ADAMTS2: variants seen among roughly 807,000 people sequenced by gnomAD.
The protein encoded by ADAMTS2 is A disintegrin and metalloproteinase with thrombospondin motifs 2.
Under a neutral mutation model 123.0 loss-of-function variants are expected in ADAMTS2, and 50 were observed. The ratio of observed to expected loss-of-function variants is 0.41; its 90% CI spans 0.32 to 0.51. The LOEUF (loss-of-function observed/expected upper bound fraction) is 0.51. Among genes scored for constraint, ADAMTS2 ranks in the 20% least tolerant of loss-of-function variants. The pLI, the probability that ADAMTS2 is intolerant of heterozygous loss-of-function variation, is 0.35. For missense variants in ADAMTS2, 1,494 were observed against 1,705.2 expected (o/e 0.88, Z 2.18); for synonymous variants, 678 against 695.4 (o/e 0.98, Z 0.39).
intron 4 of ADAMTS2, among the ~76,000 whole-genome samples, chr5:179,183,490 T>C (rs143899997): frequency 6.6e-6 from 1 of 152,348 alleles, no homozygotes; most frequent in African/African-American, 2.4e-5. Context: ...GGCTGCTGCC[T>C]GGGACCTGAG....
chr5:179,191,414 C>T (rs990782412), intron 4 of ADAMTS2, among the ~76,000 whole-genome samples: 6 of 152,200 alleles, frequency 3.9e-5, no homozygotes, highest in Admixed American at 1.3e-4. Context: ...CTGTGTGGCC[C>T]GGCCCATCCC....
At chr5:179,241,929 A>G (rs1211620709) in intron 3 of ADAMTS2, among the ~76,000 whole-genome samples, 4 of 152,026 alleles carry the variant, frequency 2.6e-5, no homozygotes, top group South Asian at 4.2e-4. Flanking sequence ...GCCCCACCCA[A>G]TGTGTCTCTG....
In ADAMTS2 at chr5:179,154,926, G is replaced by A. The variant is rs1449025457; in HGVS notation, c.1133-7C>T. 3 of 1,611,456 alleles carry A rather than the reference G, an allele frequency of 1.9e-6. No individual in the cohort carries two copies. The highest frequency in any genetic ancestry group is 2.5e-6 in the Non-Finnish European group (3 of 1,179,112). On this transcript the variant is annotated splice_polypyrimidine_tract_variant and splice_region_variant and intron_variant, in intron 6 of 21. Coordinates refer to ENST00000251582, the MANE Select transcript of ADAMTS2 (RefSeq NM_014244.5). Reference sequence around the variant, plus strand: ...CCGGTGACAGGAGCATAGCCTGGGAGGAGACAAGAGGCGGCTCCAGATGCT... The same window carrying A: ...CCGGTGACAGGAGCATAGCCTGGGAAGAGACAAGAGGCGGCTCCAGATGCT...
chr5:179,234,748 C>T lies in ADAMTS2; in HGVS notation c.689-27033G>A, dbSNP rs2113437901. On this transcript the variant is annotated intron_variant, in intron 3 of 21. Coordinates refer to ENST00000251582, the MANE Select transcript of ADAMTS2 (RefSeq NM_014244.5). This position sits in a 1 kb window ranked among gnomAD's most constrained non-coding sequence, Gnocchi z 4.7. ...TCTCCCCGTCCATGATGAGCTCAGC[C>T]CCTCCCTCTACCTGGATGCAGCAGC... 6.6e-6 allele frequency among the ~76,000 whole-genome samples: 1 copy of T among 152,242 alleles called. No homozygotes were observed. The highest frequency in any genetic ancestry group is 2.1e-4 in the South Asian group (1 of 4,822).
intron 2 of ADAMTS2, among the ~76,000 whole-genome samples, chr5:179,321,268 A>G (rs1376820613): frequency 6.6e-6 from 1 of 152,156 alleles, no homozygotes. Context: ...ACACAAGCGC[A>G]CACGTAAACA....
intron 3 of ADAMTS2, among the ~76,000 whole-genome samples, chr5:179,271,234 G>C (rs957718567): frequency 6.6e-6 from 1 of 152,152 alleles, no homozygotes; most frequent in Non-Finnish European, 1.5e-5. Flanking sequence ...GCCAGGCTGT[G>C]GGGGAAGGGC....
At chr5:179,122,349 G>C (rs116161580) in intron 20 of ADAMTS2, among the ~76,000 whole-genome samples, 1 of 152,186 alleles carries the variant, frequency 6.6e-6, no homozygotes, top group Admixed American at 6.5e-5. Context: ...TATTCACACA[G>C]GCACCCCCTA....
intron 3 of ADAMTS2, among the ~76,000 whole-genome samples, chr5:179,233,655 C>T (rs1251543235): frequency 6.6e-6 from 1 of 152,198 alleles, no homozygotes. Flanking sequence ...CCATTGCACT[C>T]CAGCCTGAGT....
In ADAMTS2 at chr5:179,113,835, A is replaced by G. The variant is rs1163632067; in HGVS notation, c.*32T>C. 1 of 1,606,004 alleles carries G rather than the reference A, an allele frequency of 6.2e-7. No homozygotes were observed. The highest frequency in any genetic ancestry group is 8.5e-7 in the Non-Finnish European group (1 of 1,172,666). Reference sequence around the variant, plus strand: ...CATGGAATATCTCTATAAGCAAGAAAAAAATGCTAGGGATGCTATCTTTCC... The same window carrying G: ...CATGGAATATCTCTATAAGCAAGAAGAAAATGCTAGGGATGCTATCTTTCC... On this transcript the variant is annotated 3_prime_UTR_variant, in exon 22 of 22. Coordinates refer to ENST00000251582, the MANE Select transcript of ADAMTS2 (RefSeq NM_014244.5).
chr5:179,319,343 T>C (rs1282068793), intron 2 of ADAMTS2, among the ~76,000 whole-genome samples: 3 of 152,122 alleles, frequency 2.0e-5, no homozygotes, highest in Non-Finnish European at 2.9e-5. Context: ...CACATACACA[T>C]GTGCATCGGT....
At chr5:179,167,238 G>A (rs1184844387) in intron 5 of ADAMTS2, among the ~76,000 whole-genome samples, 68 of 151,628 alleles carry the variant, frequency 4.5e-4, no homozygotes, top group Admixed American at 4.5e-3. Flanking sequence ...GCTGCCCCCC[G>A]CGCGGGGCGG....
intron 3 of ADAMTS2, among the ~76,000 whole-genome samples, chr5:179,224,462 G>T (rs984512771): frequency 1.3e-5 from 2 of 152,264 alleles, no homozygotes; most frequent in Non-Finnish European, 2.9e-5. Flanking sequence ...TGAACAGAGA[G>T]AAACGGTCTG....
At chr5:179,198,669 A>G (rs1355425513) in intron 4 of ADAMTS2, among the ~76,000 whole-genome samples, 1 of 152,120 alleles carries the variant, frequency 6.6e-6, no homozygotes, top group Non-Finnish European at 1.5e-5. Context: ...CCCCGTCTCT[A>G]CTAAAAATAT....
intron 2 of ADAMTS2, among the ~76,000 whole-genome samples, chr5:179,316,467 T>C (rs1389408708): frequency 6.6e-6 from 1 of 152,130 alleles, no homozygotes; most frequent in Non-Finnish European, 1.5e-5. Context: ...CCCAGGCTCC[T>C]GCCTAGGCCC....
chr5:179,267,642 T>C (rs1478190417), intron 3 of ADAMTS2, among the ~76,000 whole-genome samples: 1 of 152,228 alleles, frequency 6.6e-6, no homozygotes, highest in African/African-American at 2.4e-5. Context: ...CTTCTACCTC[T>C]GCATCACAGA....
At chr5:179,174,628 AAG>A (rs780441055) in intron 5 of ADAMTS2, among the ~76,000 whole-genome samples, 72 of 152,360 alleles carry the variant, frequency 4.7e-4, no homozygotes, top group Admixed American at 1.8e-3. Context: ...GGTTATTTGT[AAG>A]AGGGGTATTT....
Position 179,223,499 on chromosome 5 carries a change from T to G in ADAMTS2, c.689-15784A>C, listed in dbSNP as rs539800403. 6.9e-5 allele frequency among the ~76,000 whole-genome samples: 7 copies of G among 102,136 alleles called. No homozygotes were observed. The South Asian group carries it at 2.2e-3, about 33-fold the overall frequency. 67.0% of individuals were successfully genotyped at this position (102,136 alleles called of 152,430 possible). The stretch of plus-strand genomic sequence containing the variant: ...ACACACAAATGGACTCACACTCACA[T>G]GCACACTCATACGAATGCACTCACA... On this transcript the variant is annotated intron_variant, in intron 3 of 21. Transcript: ENST00000251582.
intron 2 of ADAMTS2, among the ~76,000 whole-genome samples, chr5:179,297,046 C>T (rs1756359091): frequency 6.6e-6 from 1 of 152,124 alleles, no homozygotes; most frequent in Admixed American, 6.5e-5. Context: ...GTTGTATTGA[C>T]AAGGCTTGGT....
At chr5:179,220,325 T>A (rs917600151) in intron 3 of ADAMTS2, among the ~76,000 whole-genome samples, 1 of 152,094 alleles carries the variant, frequency 6.6e-6, no homozygotes, top group African/African-American at 2.4e-5. Context: ...ACGGGACCCA[T>A]GTGGCCGGAG....
Sources: gnomAD v4.1 joint callset for allele counts (sites outside exome capture counted in the v4.1 genomes callset) on GRCh38, gnomAD v4.1.1 for gene constraint, Gnocchi (gnomAD v3.1) non-coding constraint, MANE v1.5 for transcripts, NCBI Gene and HGNC (gene_info 2026-07-23, HGNC 2026-07-21) for gene names.